Variants in FAM83B observed in about 807,000 individuals in gnomAD.
FAM83B encodes the protein protein FAM83B.
Under a neutral mutation model 38.8 loss-of-function variants are expected in FAM83B, and 26 were observed. The observed-to-expected ratio is 0.67, with a 90% confidence interval of 0.49 to 0.93. The LOEUF is 0.93. Ranked by LOEUF, FAM83B falls within the 40% of genes least tolerant of loss-of-function variation. The pLI is 0.00. For missense variants in FAM83B, 1,237 were observed against 1,197.3 expected, an observed-to-expected ratio of 1.03 and a Z score of -0.49; for synonymous variants, 419 against 423.1, an observed-to-expected ratio of 0.99 and a Z score of 0.12.
intron 2 of FAM83B, among the ~76,000 whole-genome samples, chr6:54,897,142 A>G (rs562793636): frequency 6.6e-6 from 1 of 151,906 alleles, no homozygotes; most frequent in East Asian, 1.9e-4. Flanking sequence ...GAGACCCTTT[A>G]GGCCACTCTC....
chr6:54,870,543 G>C lies in FAM83B; in HGVS notation c.297G>C (p.Val99=), dbSNP rs772987010. 1.2e-6 allele frequency: 2 copies of C among 1,613,986 alleles called. No individual in the cohort carries two copies. The highest frequency in any genetic ancestry group is 1.7e-6 in the Non-Finnish European group (2 of 1,179,972). ...SGTYWPVESD[V]EAPNLDLGWP... ...CCTACTGGCCTGTTGAGTCTGATGT[G>C]GAAGCTCCAAATCTTGACTTAGGCT... is the stretch of plus-strand genomic sequence containing the variant. Residue 99 remains valine, a synonymous_variant, in exon 2 of 5, where the codon GTG becomes GTC. Coordinates refer to ENST00000306858, the MANE Select transcript of FAM83B (RefSeq NM_001010872.3).
intron 2 of FAM83B, among the ~76,000 whole-genome samples, chr6:54,923,113 C>G (rs1193234633): frequency 1.3e-5 from 2 of 151,878 alleles, no homozygotes; most frequent in Non-Finnish European, 2.9e-5. Flanking sequence ...TCATTCACGG[C>G]CATTTTTTTC....
At position 54,851,944 on chromosome 6, in the gene FAM83B, G is replaced by T. The variant is rs560045843; in HGVS notation, c.-61+5118G>T. Among the ~76,000 whole-genome samples, 206 of 151,830 alleles carry T rather than the reference G, an allele frequency of 1.4e-3. 1 individual carries two copies. Among genetic ancestry groups the T allele is most frequent in the Non-Finnish European group, 2.3e-3 (158 of 67,788 alleles). ...TTACAGGCGTGAGCCACCGCGCCCGGCCTAATTTTTGTGTTTTTAGTAGGG... is the reference window on the plus strand; with the variant it reads ...TTACAGGCGTGAGCCACCGCGCCCGTCCTAATTTTTGTGTTTTTAGTAGGG... On this transcript the variant is annotated intron_variant, in intron 1 of 4. Transcript: ENST00000306858.
Position 54,854,322 on chromosome 6 carries a change from A to G in FAM83B, c.-61+7496A>G, listed in dbSNP as rs529980746. On this transcript the variant is annotated intron_variant, in intron 1 of 4. Coordinates refer to ENST00000306858, the MANE Select transcript of FAM83B (RefSeq NM_001010872.3). ...CTCTAATTTTGAAAGAAGTTTTACC[A>G]TATGTAAACTGCTGTTAAACAACAT... Among the ~76,000 whole-genome samples, 4 of 152,368 alleles carry G rather than the reference A, an allele frequency of 2.6e-5. No homozygotes were observed. The South Asian group carries it at 6.2e-4, about 24-fold the overall frequency.
At chr6:54,939,517 C>T (rs911923758) in intron 4 of FAM83B, among the ~76,000 whole-genome samples, 189 bp from the exon 5 acceptor site, 5 of 151,858 alleles carry the variant, frequency 3.3e-5, no homozygotes, top group African/African-American at 7.3e-5. Context: ...ATTTGAGTTG[C>T]GTTGTTATTT....
rs1254775186 is a variant in FAM83B at position 54,943,495 on chromosome 6, C to T, written c.*1488C>T. 1 of 151,990 alleles carries T rather than the reference C, an allele frequency of 6.6e-6. No homozygotes were observed. Among genetic ancestry groups the T allele is most frequent in the Non-Finnish European group, 1.5e-5 (1 of 68,002 alleles). The allele number at this position is 151,990 out of a possible 1,614,324, so 9.4% of individuals were successfully genotyped here. A position where few individuals can be genotyped will look rare whatever the true frequency, so the allele number is the denominator to read the frequency against. On this transcript the variant is annotated 3_prime_UTR_variant, in exon 5 of 5. Coordinates refer to ENST00000306858, the MANE Select transcript of FAM83B (RefSeq NM_001010872.3). Reference sequence around the variant, plus strand: ...ATATATTCTAAGTTGCTGTGTGGAGCAGTATACTGTTGTTTTAAAAATGCA... The same window carrying T: ...ATATATTCTAAGTTGCTGTGTGGAGTAGTATACTGTTGTTTTAAAAATGCA...
rs1452057733 is a variant in FAM83B at position 54,942,341 on chromosome 6, A to G, written c.*334A>G. On this transcript the variant is annotated 3_prime_UTR_variant, in exon 5 of 5. Coordinates refer to ENST00000306858, the MANE Select transcript of FAM83B (RefSeq NM_001010872.3). Reference sequence around the variant, plus strand: ...GGTGTATGGTGTATGGATTTTAACCATTTCCTTTTAAAAAGGTCATACTAC... The same window carrying G: ...GGTGTATGGTGTATGGATTTTAACCGTTTCCTTTTAAAAAGGTCATACTAC... 6.6e-6 allele frequency among the ~76,000 whole-genome samples: 1 copy of G among 152,138 alleles called. No individual in the cohort carries two copies. The highest frequency in any genetic ancestry group is 2.4e-5 in the African/African-American group (1 of 41,426).
At position 54,940,466 on chromosome 6, in the gene FAM83B, T is replaced by C; in HGVS notation, c.1495T>C (p.Ser499Pro). Residue 499 changes from serine (S) to proline (P), a missense_variant, in exon 5 of 5, where the codon TCC becomes CCC. By Grantham distance (74) the Ser-to-Pro change is moderately conservative. Transcript: ENST00000306858. ...KSFLRNWRIE[S>P]YLNDHSEATP... is the part of the protein sequence containing the mutation. ...ATTCCTACGTAACTGGAGAATTGAA[T>C]CCTACTTAAATGATCATTCAGAAGC... The C allele has an allele frequency of 6.2e-7, 1 of 1,614,068 alleles. No homozygotes were observed. The highest frequency in any genetic ancestry group is 1.1e-5 in the South Asian group (1 of 91,082).
chr6:54,928,421 G>C (rs998665596), intron 4 of FAM83B, among the ~76,000 whole-genome samples: 1 of 152,114 alleles, frequency 6.6e-6, no homozygotes, highest in Non-Finnish European at 1.5e-5. Context: ...AGTTTGCTCC[G>C]CTATAAAATA....
At chr6:54,885,074 G>T (rs1289154767) in intron 2 of FAM83B, among the ~76,000 whole-genome samples, 2 of 151,890 alleles carry the variant, frequency 1.3e-5, no homozygotes, top group Admixed American at 1.3e-4. Context: ...GCCCGGCCCA[G>T]TAACAATACT....
At chr6:54,888,118 A>G (rs1010859046) in intron 2 of FAM83B, among the ~76,000 whole-genome samples, 3 of 150,654 alleles carry the variant, frequency 2.0e-5, no homozygotes, top group Non-Finnish European at 3.0e-5. Flanking sequence ...TAATAAATTT[A>G]CATTCTTGAC....
chr6:54,876,520 T>A (rs1220895466), intron 2 of FAM83B, among the ~76,000 whole-genome samples: 2 of 151,530 alleles, frequency 1.3e-5, no homozygotes. Flanking sequence ...AGACAGGGTT[T>A]CGTCATGTTG....
chr6:54,859,561 G>C (rs933792493), intron 1 of FAM83B, among the ~76,000 whole-genome samples: 2 of 152,186 alleles, frequency 1.3e-5, no homozygotes, highest in African/African-American at 4.8e-5. Flanking sequence ...GGAGAGGGTA[G>C]AGTATGATGC....
At chr6:54,933,668 A>G (rs949718041) in intron 4 of FAM83B, among the ~76,000 whole-genome samples, 5 of 152,116 alleles carry the variant, frequency 3.3e-5, no homozygotes, top group African/African-American at 1.2e-4. Flanking sequence ...CAGCCCAGCC[A>G]CAGATTCTAG....
chr6:54,924,025 G>A (rs535076192), intron 2 of FAM83B, among the ~76,000 whole-genome samples: 124 of 151,664 alleles, frequency 8.2e-4, no homozygotes, highest in African/African-American at 2.9e-3. Context: ...AAGACATACC[G>A]TTATTTCTCT....
chr6:54,876,918 A>G (rs927399507), intron 2 of FAM83B, among the ~76,000 whole-genome samples: 1 of 152,192 alleles, frequency 6.6e-6, no homozygotes, highest in African/African-American at 2.4e-5. Flanking sequence ...TCTCTGGTTT[A>G]AAATAAAAAC....
At chr6:54,883,414 A>C in intron 2 of FAM83B, among the ~76,000 whole-genome samples, 1 of 146,470 alleles carries the variant, frequency 6.8e-6, no homozygotes, top group African/African-American at 2.5e-5. Context: ...GGCTCAACGC[A>C]ACCTCCGCCT....
At position 54,941,036 on chromosome 6, in the gene FAM83B, A is replaced by G. The variant is rs754237207; in HGVS notation, c.2065A>G (p.Thr689Ala). The change falls in exon 5 of 5, where the codon ACC becomes GCC. Residue 689 changes from threonine to alanine, a missense_variant. Physicochemically the swap from Thr to Ala is moderately conservative, Grantham distance 58. Coordinates refer to ENST00000306858, the MANE Select transcript of FAM83B (RefSeq NM_001010872.3). Reference sequence around the variant, plus strand: ...TAAGCATTATGTATATAGTACACTTACCAGGAATCGAGTTAGACAACCAGA... The same window carrying G: ...TAAGCATTATGTATATAGTACACTTGCCAGGAATCGAGTTAGACAACCAGA... ...NSKHYVYSTLTRNRVRQPEKP... is the reference protein window; with the variant it reads ...NSKHYVYSTLARNRVRQPEKP... 6.2e-7 allele frequency: 1 copy of G among 1,613,662 alleles called. No individual in the cohort carries two copies. Among genetic ancestry groups the G allele is most frequent in the African/African-American group, 1.3e-5 (1 of 74,890 alleles).
chr6:54,846,908 T>TGGGGG (rs148815760), intron 1 of FAM83B, 82 bp downstream of exon 1: 37 of 151,192 alleles, frequency 2.4e-4, no homozygotes, highest in African/African-American at 8.8e-4. Flanking sequence ...CTTGGGGTAC[T>TGGGGG]GGGGGGGCCC....
Sources: allele counts gnomAD v4.1 joint callset (sites outside exome capture counted in the v4.1 genomes callset), GRCh38; gene constraint gnomAD v4.1.1; transcripts MANE v1.5; gene names NCBI Gene and HGNC (gene_info 2026-07-23, HGNC 2026-07-21).